Variants in AAAS observed in about 807,000 individuals in gnomAD.
The protein encoded by AAAS is aladin.
In AAAS, 60 loss-of-function variants were observed where a neutral mutation model predicts 75.6. The ratio of observed to expected loss-of-function variants is 0.79; its 90% CI spans 0.64 to 0.98. AAAS has a LOEUF of 0.98. Among genes scored for constraint, AAAS ranks in the 50% least tolerant of loss-of-function variants. The probability of loss-of-function intolerance (pLI) is 0.00; values close to 1 mark genes in which losing one functional copy is unlikely to be tolerated. For synonymous variants in AAAS, 271 were observed against 265.0 expected (o/e 1.02, Z -0.22); for missense variants, 658 against 686.9 (o/e 0.96, Z 0.47).
At chr12:53,307,969 G>C in intron 14 of AAAS, 40 bp from the exon 15 acceptor site, 1 of 1,613,170 alleles carries the variant, frequency 6.2e-7, no homozygotes, top group Non-Finnish European at 8.5e-7. Flanking sequence ...GGCAAGAAGG[G>C]AGCTGAATGT....
At chr12:53,318,994 C>T (rs1944510747) in intron 2 of AAAS, among the ~76,000 whole-genome samples, 1 of 152,054 alleles carries the variant, frequency 6.6e-6, no homozygotes, top group African/African-American at 2.4e-5. Flanking sequence ...ACTGAAGTAC[C>T]AAAGATCAAA....
intron 11 of AAAS, 36 bp from the exon 12 acceptor site, chr12:53,308,564 A>G: frequency 1.2e-6 from 2 of 1,613,342 alleles, no homozygotes; most frequent in Non-Finnish European, 1.7e-6. Context: ...TTCTTGCAAG[A>G]AACAGGCCTC....
In AAAS at chr12:53,321,513, C is replaced by G. The variant is rs376736311; in HGVS notation, c.-48G>C. On this transcript the variant is annotated 5_prime_UTR_variant, in exon 1 of 16. Transcript: ENST00000209873. ...GCAGTCGGCAAACTCCTGGCCGGAA[C>G]GGCACAGACCGCACTCCCGCAACTC... 6.2e-7 allele frequency: 1 copy of G among 1,611,886 alleles called. No homozygotes were observed.
At chr12:53,320,797 G>A in intron 1 of AAAS, 105 bp from the exon 2 acceptor site, 1 of 1,363,166 alleles carries the variant, frequency 7.3e-7, no homozygotes, top group Non-Finnish European at 1.0e-6. Flanking sequence ...AGAGATTCCA[G>A]AGGTCTGTTT....
chr12:53,321,410 T>G lies in AAAS; in HGVS notation c.56A>C (p.Tyr19Ser). Residue 19 changes from tyrosine (Y) to serine (S), a missense_variant, in exon 1 of 16, where the codon TAT becomes TCT. Coordinates refer to ENST00000209873, the MANE Select transcript of AAAS (RefSeq NM_015665.6). Reference protein sequence around the residue: ...PPPPRGQVTLYEHNNELVTGS... With the variant: ...PPPPRGQVTLSEHNNELVTGS... Reference sequence around the variant, plus strand: ...CGTCACCAGCTCGTTATTGTGCTCATATAGGGTGACTTGACCCCGAGGCGG... The same window carrying G: ...CGTCACCAGCTCGTTATTGTGCTCAGATAGGGTGACTTGACCCCGAGGCGG... 2.5e-6 allele frequency: 4 copies of G among 1,614,136 alleles called. 1 individual carries two copies. The South Asian group carries it at 4.4e-5, about 18-fold the overall frequency.
At chr12:53,320,135 A>G (rs1944530844) in intron 2 of AAAS, among the ~76,000 whole-genome samples, 2 of 152,168 alleles carry the variant, frequency 1.3e-5, no homozygotes, top group African/African-American at 4.8e-5. Context: ...AAAAAAGAAA[A>G]TGAAACCAGG....
At chr12:53,317,541 A>T (rs1364054585) in intron 2 of AAAS, among the ~76,000 whole-genome samples, 1 of 149,206 alleles carries the variant, frequency 6.7e-6, no homozygotes, top group Non-Finnish European at 1.5e-5. Flanking sequence ...TGGGCAACAG[A>T]GCGAGACTCC....
In AAAS at chr12:53,308,121, A is replaced by AC. The variant is rs1164422092; in HGVS notation, c.1261dup (p.Val421GlyfsTer5). On this transcript the variant is annotated frameshift_variant, in exon 14 of 16. Coordinates refer to ENST00000209873, the MANE Select transcript of AAAS (RefSeq NM_015665.6). LOFTEE classifies it high-confidence loss of function. Reference sequence around the variant, plus strand: ...GAGGATGACTGGTTTACCATCCTGTACCCTTGGCTTTCCTGTAAGAAATGG... The same window carrying AC: ...GAGGATGACTGGTTTACCATCCTGTACCCCTTGGCTTTCCTGTAAGAAATGG... The AC allele has an allele frequency of 6.2e-7, 1 of 1,614,170 alleles. No homozygotes were observed. Among genetic ancestry groups the AC allele is most frequent in the Non-Finnish European group, 8.5e-7 (1 of 1,180,020 alleles).
chr12:53,309,848 G>T (rs1944358615), intron 7 of AAAS, 127 bp from the exon 8 acceptor site: 19 of 1,351,994 alleles, frequency 1.4e-5, no homozygotes, highest in South Asian at 2.5e-5. Context: ...TCCAGGTTGT[G>T]AAAAAGGAAT....
intron 7 of AAAS, among the ~76,000 whole-genome samples, chr12:53,312,538 C>T (rs1268677537): frequency 6.8e-6 from 1 of 146,992 alleles, no homozygotes; most frequent in Non-Finnish European, 1.5e-5. Context: ...GCACTCCAGC[C>T]TGGGCAACAG....
rs367610453 is a variant in AAAS, at chr12:53,321,472, G to A, written c.-7C>T. 7 of 1,613,902 alleles carry A rather than the reference G, an allele frequency of 4.3e-6. No homozygotes were observed. The highest frequency in any genetic ancestry group is 5.9e-6 in the Non-Finnish European group (7 of 1,180,016). On this transcript the variant is annotated 5_prime_UTR_variant, in exon 1 of 16. Coordinates refer to ENST00000209873, the MANE Select transcript of AAAS (RefSeq NM_015665.6). ...ACAACCCCAGAGAGCACATCTTGCC[G>A]GTTCGCAGGACGTCTGCAGTCGGCA...
chr12:53,315,714 G>A lies in AAAS; in HGVS notation c.307+13C>T, dbSNP rs761242924. 8.7e-6 allele frequency: 14 copies of A among 1,613,192 alleles called. No homozygotes were observed. Among genetic ancestry groups the A allele is most frequent in the Middle Eastern group, 1.7e-4 (1 of 6,058 alleles). On this transcript the variant is annotated intron_variant, in intron 3 of 15. Coordinates refer to ENST00000209873, the MANE Select transcript of AAAS (RefSeq NM_015665.6). Reference sequence around the variant, plus strand: ...CCACAAAACTAGGGAAGGCTGGAGGGAAAAATACTTACCCTCTTCTTCTGA... The same window carrying A: ...CCACAAAACTAGGGAAGGCTGGAGGAAAAAATACTTACCCTCTTCTTCTGA...
chr12:53,310,558 CAAAAAAA>C (rs939524283), intron 7 of AAAS, among the ~76,000 whole-genome samples: 3 of 76,448 alleles, frequency 3.9e-5, no homozygotes, highest in African/African-American at 1.4e-4. Context: ...GACTCCGTCT[CAAAAAAA>C]AAAAAAAAAA....
Position 53,307,628 on chromosome 12 carries a change from GCCCGCC to G in AAAS, c.1496_1501del (p.Gly499_Arg500del), listed in dbSNP as rs780750843. The G allele has an allele frequency of 3.1e-6, 5 of 1,614,118 alleles. No individual in the cohort carries two copies. Among genetic ancestry groups the G allele is most frequent in the Middle Eastern group, 3.3e-4 (2 of 6,082 alleles). On this transcript the variant is annotated inframe_deletion, in exon 16 of 16. Transcript: ENST00000209873. Reference sequence around the variant, plus strand: ...TCCACCCCCAGCAGGGGGTTCCTGGGCCCGCCCAAGCACTGGGCTAAAACGTGGAAA... The same window carrying G: ...TCCACCCCCAGCAGGGGGTTCCTGGGCAAGCACTGGGCTAAAACGTGGAAA...
chr12:53,317,223 G>GA (rs1220651343), intron 2 of AAAS, among the ~76,000 whole-genome samples: 1 of 151,944 alleles, frequency 6.6e-6, no homozygotes, highest in Non-Finnish European at 1.5e-5. Context: ...AGGAGTTCGA[G>GA]ACCAGCCTGG....
At position 53,308,505 on chromosome 12, in the gene AAAS, C is replaced by G; in HGVS notation, c.1111G>C (p.Gly371Arg). 6.2e-7 allele frequency: 1 copy of G among 1,614,182 alleles called. No individual in the cohort carries two copies. The highest frequency in any genetic ancestry group is 1.1e-5 in the South Asian group (1 of 91,088). ...RCGEGKGCVG[G>R]AKSATIVADL... Reference sequence around the variant, plus strand: ...GCCACAATCGTTGCTGACTTTGCACCTCCAACGCACCCCTTTCCCTCACCT... The same window carrying G: ...GCCACAATCGTTGCTGACTTTGCACGTCCAACGCACCCCTTTCCCTCACCT... Residue 371 changes from glycine (G) to arginine (R), a missense_variant, in exon 12 of 16, where the codon GGT (glycine) becomes CGT (arginine). Gly to Arg is a moderately radical substitution (Grantham distance 125). Transcript: ENST00000209873.
chr12:53,317,361 T>A (rs1944479987), intron 2 of AAAS, among the ~76,000 whole-genome samples: 1 of 151,524 alleles, frequency 6.6e-6, no homozygotes, highest in South Asian at 2.1e-4. Flanking sequence ...ATCAAGACCA[T>A]CCTGGCTAAC....
rs1179085812 is a variant in AAAS, at chr12:53,308,488, C to T, written c.1128G>A (p.Thr376=). 3 of 1,614,210 alleles carry T rather than the reference C, an allele frequency of 1.9e-6. No individual in the cohort carries two copies. The highest frequency in any genetic ancestry group is 2.2e-5 in the East Asian group (1 of 44,890). Residue 376 remains threonine, a synonymous_variant, in exon 12 of 16, where the codon ACG becomes ACA. Transcript: ENST00000209873. ...KGCVGGAKSA[T]IVADLSETTI... ...TTGTCTCAGACAGATCTGCCACAAT[C>T]GTTGCTGACTTTGCACCTCCAACGC...
intron 2 of AAAS, among the ~76,000 whole-genome samples, chr12:53,316,467 A>G (rs1489969063): frequency 1.3e-5 from 2 of 148,764 alleles, no homozygotes; most frequent in African/African-American, 5.0e-5. Context: ...AAAAGAAGAA[A>G]AAAAAAAAAG....
Sources: allele counts gnomAD v4.1 joint callset (sites outside exome capture counted in the v4.1 genomes callset), GRCh38; gene constraint gnomAD v4.1.1; transcripts MANE v1.5; gene names NCBI Gene and HGNC (gene_info 2026-07-23, HGNC 2026-07-21).